DPP6: variants seen among roughly 807,000 people sequenced by gnomAD.
The protein encoded by DPP6 is dipeptidyl peptidase like 6.
A neutral mutation model predicts 122.6 loss-of-function variants in DPP6; 69 were observed. That is an observed-to-expected ratio of 0.56 (90% CI 0.46 to 0.69). DPP6 has a LOEUF of 0.69. Ranked by LOEUF, DPP6 falls within the 30% of genes least tolerant of loss-of-function variation. The probability of loss-of-function intolerance (pLI) is 0.00; values close to 1 mark genes in which losing one functional copy is unlikely to be tolerated. For missense variants in DPP6, 928 were observed against 1,116.9 expected, an observed-to-expected ratio of 0.83 and a Z score of 2.41; for synonymous variants, 418 against 433.1, an observed-to-expected ratio of 0.97 and a Z score of 0.43.
At chr7:153,786,946 T>TTTTTGA in the DPP6 span, among the ~76,000 whole-genome samples, 7 of 144,236 alleles carry the variant, frequency 4.9e-5, no homozygotes, top group Non-Finnish European at 7.7e-5. Flanking sequence ...GATTTCCTTT[T>TTTTTGA]TTTTGTTTTT....
chr7:153,843,076 G>T, the DPP6 span, among the ~76,000 whole-genome samples: 1 of 145,434 alleles, frequency 6.9e-6, no homozygotes, highest in Non-Finnish European at 1.5e-5. Context: ...GCATACACAC[G>T]TGCGCACACA....
intron 6 of DPP6, among the ~76,000 whole-genome samples, chr7:154,649,098 C>T (rs1447984431): frequency 6.6e-6 from 1 of 152,068 alleles, no homozygotes; most frequent in Non-Finnish European, 1.5e-5. Flanking sequence ...ACACTTTTGC[C>T]TTTTGCCTTT....
intron 7 of DPP6, among the ~76,000 whole-genome samples, chr7:154,687,147 T>C (rs1192555595): frequency 2.6e-5 from 4 of 152,126 alleles, no homozygotes; most frequent in Admixed American, 6.5e-5. Context: ...GTGTAGACGC[T>C]TGATGTACCC....
intron 5 of DPP6, among the ~76,000 whole-genome samples, chr7:154,572,204 T>A (rs1193346216): frequency 1.3e-5 from 2 of 152,152 alleles, no homozygotes; most frequent in South Asian, 2.1e-4. Flanking sequence ...CCCATTTTGC[T>A]CTCTAAGGGA....
the DPP6 span, among the ~76,000 whole-genome samples, chr7:153,830,221 T>G: frequency 6.6e-6 from 1 of 152,300 alleles, no homozygotes; most frequent in Non-Finnish European, 1.5e-5. Context: ...ACATTTTCAG[T>G]TTTCATTGTT....
At chr7:154,355,578 A>G (rs138870826) in intron 1 of DPP6, among the ~76,000 whole-genome samples, 7 of 152,160 alleles carry the variant, frequency 4.6e-5, no homozygotes, top group Non-Finnish European at 8.8e-5. Context: ...ATTTATTTGT[A>G]TATGAATATT....
chr7:154,886,145 G>A (rs1374385859), intron 22 of DPP6, among the ~76,000 whole-genome samples: 1 of 152,210 alleles, frequency 6.6e-6, no homozygotes, highest in African/African-American at 2.4e-5. Flanking sequence ...TTCTATGCCT[G>A]GGCATGGGTA....
chr7:154,887,809 G>A, intron 23 of DPP6, 75 bp downstream of exon 23: 2 of 1,548,244 alleles, frequency 1.3e-6, no homozygotes, highest in Non-Finnish European at 1.8e-6. Context: ...TGCCCTGGCT[G>A]TATGGCCCAC....
At chr7:153,810,694 C>T in the DPP6 span, among the ~76,000 whole-genome samples, 1 of 150,972 alleles carries the variant, frequency 6.6e-6, no homozygotes, top group South Asian at 2.1e-4. Context: ...CTCTCTCTCT[C>T]TCTCTCTCTC....
intron 1 of DPP6, among the ~76,000 whole-genome samples, chr7:154,060,879 G>A (rs562056511): frequency 7.0e-6 from 1 of 142,038 alleles, no homozygotes; most frequent in East Asian, 2.1e-4. Flanking sequence ...ATCACAGAGT[G>A]GGGAGGCACC....
rs79923357 is a variant in DPP6, at chr7:154,285,708, A to C, written c.244-160506A>C. The stretch of plus-strand genomic sequence containing the variant: ...TACATTTTGAGAAGCGTGAAAGCTT[A>C]TTCTATTTCCCTGAGAAAAGGTATT... On this transcript the variant is annotated intron_variant, in intron 1 of 25. Coordinates refer to ENST00000377770, the MANE Select transcript of DPP6 (RefSeq NM_130797.4). 6.1e-3 allele frequency among the ~76,000 whole-genome samples: 934 copies of C among 152,364 alleles called. 10 individuals are homozygous for C. Among genetic ancestry groups the C allele is most frequent in the East Asian group, 0.032 (167 of 5,190 alleles).
intron 3 of DPP6, among the ~76,000 whole-genome samples, chr7:154,523,742 G>C (rs1827183839): frequency 6.6e-6 from 1 of 152,142 alleles, no homozygotes; most frequent in Non-Finnish European, 1.5e-5. Flanking sequence ...TTCCGCACTT[G>C]ACTGATTGCT....
At chr7:154,677,536 C>CG (rs1318808027) in intron 7 of DPP6, among the ~76,000 whole-genome samples, 3 of 152,238 alleles carry the variant, frequency 2.0e-5, no homozygotes, top group African/African-American at 7.2e-5. Flanking sequence ...GGAGGAAGAG[C>CG]TTGCGCTTGA....
rs73494348 is a variant in DPP6, at chr7:153,919,821, T to C, written c.51+32087T>C. On this transcript the variant is annotated intron_variant, in intron 1 of 25. Coordinates refer to the DPP6 transcript ENST00000404039. ...GAGCTACTGTTTAATGTATTTTAGA[T>C]TGGGGAAATCAAATAGGAGTGGGGT... is the stretch of plus-strand genomic sequence containing the variant. Among the ~76,000 whole-genome samples, 428 of 152,330 alleles carry C rather than the reference T, an allele frequency of 2.8e-3. 1 individual carries two copies. Among genetic ancestry groups the C allele is most frequent in the African/African-American group, 9.6e-3 (398 of 41,576 alleles).
intron 1 of DPP6, among the ~76,000 whole-genome samples, chr7:154,381,773 A>G (rs1468627087): frequency 6.6e-6 from 1 of 152,176 alleles, no homozygotes; most frequent in Non-Finnish European, 1.5e-5. Context: ...ATGTGTCTGC[A>G]TGTGTGTGTA....
intron 2 of DPP6, among the ~76,000 whole-genome samples, chr7:154,473,317 T>A (rs1822452897): frequency 1.3e-5 from 2 of 152,180 alleles, no homozygotes; most frequent in Non-Finnish European, 2.9e-5. Context: ...CCTAGAAAGC[T>A]CCTAGAGCGA....
In DPP6 at chr7:154,502,955, G is replaced by T. The variant is rs551156153; in HGVS notation, c.457+27918G>T. 1.4e-4 allele frequency among the ~76,000 whole-genome samples: 21 copies of T among 152,290 alleles called. 2 individuals are homozygous for T. The South Asian group carries it at 4.4e-3, about 32-fold the overall frequency. ...CTGTGACTCAGTTCTGATGATGGCT[G>T]TGATGCTCATCATCAAAAAACTTGA... is the stretch of plus-strand genomic sequence containing the variant. On this transcript the variant is annotated intron_variant, in intron 3 of 25. Coordinates refer to ENST00000377770, the MANE Select transcript of DPP6 (RefSeq NM_130797.4).
Position 154,296,045 on chromosome 7 carries a change from C to T in DPP6, c.244-150169C>T, listed in dbSNP as rs150027267. The stretch of plus-strand genomic sequence containing the variant: ...CTGCAAGCTCTACCTCCCAGGTTCA[C>T]GCCATTCTCCTGCCTCAGCCTCCCG... On this transcript the variant is annotated intron_variant, in intron 1 of 25. Coordinates refer to ENST00000377770, the MANE Select transcript of DPP6 (RefSeq NM_130797.4). Among the ~76,000 whole-genome samples, 643 of 151,442 alleles carry T rather than the reference C, an allele frequency of 4.2e-3. 7 individuals carry two copies. The highest frequency in any genetic ancestry group is 0.034 in the East Asian group (172 of 5,092).
At chr7:154,073,400 C>T (rs1803267851) in intron 1 of DPP6, among the ~76,000 whole-genome samples, 1 of 152,262 alleles carries the variant, frequency 6.6e-6, no homozygotes, top group Admixed American at 6.5e-5. Flanking sequence ...TTCCTCCTGT[C>T]GTCTCCTTTG....
Sources: allele counts gnomAD v4.1 joint callset (sites outside exome capture counted in the v4.1 genomes callset), GRCh38; gene constraint gnomAD v4.1.1; transcripts MANE v1.5; gene names NCBI Gene and HGNC (gene_info 2026-07-23, HGNC 2026-07-21).